ABCC9: variants seen among roughly 807,000 people sequenced by gnomAD.
ABCC9 encodes ATP-binding cassette sub-family C member 9.
In ABCC9, 95 loss-of-function variants were observed where a neutral mutation model predicts 188.3. The ratio of observed to expected loss-of-function variants is 0.50; its 90% CI spans 0.43 to 0.60. ABCC9 has a LOEUF of 0.60. ABCC9 is among the 20% of genes least tolerant of loss of function. The pLI is 0.00. For missense variants in ABCC9, 1,102 were observed against 1,876.3 expected (o/e 0.59, Z 7.62); for synonymous variants, 659 against 652.7 (o/e 1.01, Z -0.15).
chr12:21,871,825 G>A (rs781185870), intron 18 of ABCC9, among the ~76,000 whole-genome samples: 4 of 152,090 alleles, frequency 2.6e-5, no homozygotes, highest in South Asian at 2.1e-4. Context: ...AAATGTCCCC[G>A]GGGACAAAAA....
At position 21,938,275 on chromosome 12, in the gene ABCC9, T is replaced by G. The variant is rs1202515874; in HGVS notation, c.-20-1581A>C. 2.6e-5 allele frequency among the ~76,000 whole-genome samples: 4 copies of G among 152,182 alleles called. No individual in the cohort carries two copies. The East Asian group carries it at 7.7e-4, about 29-fold the overall frequency. ...ATAAGCTCTTTTTATAATAAATAGT[T>G]GATATGCTCTCTAGTTGAGTCTTTC... On this transcript the variant is annotated intron_variant, in intron 2 of 39. Transcript: ENST00000261200.
At chr12:21,808,702 A>G (rs1942023437) in intron 37 of ABCC9, among the ~76,000 whole-genome samples, 1 of 147,098 alleles carries the variant, frequency 6.8e-6, no homozygotes, top group Non-Finnish European at 1.5e-5. Flanking sequence ...CAGGGATTAG[A>G]GGGTGTAGTA....
chr12:21,863,203 C>T (rs989198779), intron 19 of ABCC9, 149 bp from the exon 20 acceptor site: 7 of 611,380 alleles, frequency 1.1e-5, no homozygotes, highest in African/African-American at 1.1e-4. Flanking sequence ...ATTTAAAGAC[C>T]ACCAACCTTA....
At chr12:21,845,413 A>G (rs771938049) in intron 26 of ABCC9, among the ~76,000 whole-genome samples, 190 bp downstream of exon 26, 1 of 152,170 alleles carries the variant, frequency 6.6e-6, no homozygotes, top group Non-Finnish European at 1.5e-5. Context: ...TAAAAGTATT[A>G]ATAATAGCTT....
At position 21,842,460 on chromosome 12, in the gene ABCC9, T is replaced by G. The variant is rs1944441651; in HGVS notation, c.3327A>C (p.Pro1109=). 5 of 1,613,892 alleles carry G rather than the reference T, an allele frequency of 3.1e-6. No homozygotes were observed. In the South Asian group the frequency reaches 5.5e-5, roughly 18 times the overall value. ...TTGAGCGAGTTAGAGATTCCAAGGTTGGAGGGATGTGCTATTAGGGTAGTT... is the reference window on the plus strand; with the variant it reads ...TTGAGCGAGTTAGAGATTCCAAGGTGGGAGGGATGTGCTATTAGGGTAGTT... ...DTNIIDQHIP[P]TLESLTRSTL... The change falls in exon 29 of 40, where the codon CCA becomes CCC. Residue 1109 remains proline, a synonymous_variant. Transcript: ENST00000261200.
intron 22 of ABCC9, among the ~76,000 whole-genome samples, chr12:21,854,087 A>G (rs1006407538): frequency 6.6e-6 from 1 of 152,248 alleles, no homozygotes; most frequent in Admixed American, 6.5e-5. Flanking sequence ...TCTAAAAATA[A>G]CAATTCTGCA....
At chr12:21,905,762 A>C (rs955543068) in intron 12 of ABCC9, among the ~76,000 whole-genome samples, 1 of 152,094 alleles carries the variant, frequency 6.6e-6, no homozygotes, top group African/African-American at 2.4e-5. Flanking sequence ...AAAAACCAAC[A>C]ATTTATCCTA....
At chr12:21,921,942 A>T (rs891504080) in intron 5 of ABCC9, among the ~76,000 whole-genome samples, 4 of 151,864 alleles carry the variant, frequency 2.6e-5, no homozygotes, top group Non-Finnish European at 4.4e-5. Flanking sequence ...GTCTGTTTTT[A>T]TGCCAGTACC....
chr12:21,894,670 C>A (rs1189042191), intron 13 of ABCC9, among the ~76,000 whole-genome samples: 3 of 151,842 alleles, frequency 2.0e-5, no homozygotes, highest in African/African-American at 4.8e-5. Context: ...AGTGTAGTAG[C>A]GTGATCATGG....
Position 21,910,268 on chromosome 12 carries a change from TA to T in ABCC9, c.1208del (p.Leu403TyrfsTer6). 1 of 1,607,664 alleles carries T rather than the reference TA, an allele frequency of 6.2e-7. No homozygotes were observed. Among genetic ancestry groups the T allele is most frequent in the African/African-American group, 1.4e-5 (1 of 73,528 alleles). On this transcript the variant is annotated frameshift_variant, in exon 10 of 40. Coordinates refer to ENST00000261200, the MANE Select transcript of ABCC9 (RefSeq NM_020297.4). LOFTEE classifies it high-confidence loss of function. ...NKILRLSTSN[L>X]SMGEMTLGQI... ...GCCCCAGAGTCATCTCCCCCATGGA[TA>T]AGTTAGACGTAGAGAGCCTAAGGAT...
chr12:21,916,385 T>C (rs1453081478), intron 6 of ABCC9, among the ~76,000 whole-genome samples: 1 of 152,188 alleles, frequency 6.6e-6, no homozygotes, highest in African/African-American at 2.4e-5. Context: ...AAATGAATAC[T>C]GGAAAATCTA....
chr12:21,856,361 A>G (rs1592081179), intron 22 of ABCC9, among the ~76,000 whole-genome samples: 1 of 152,226 alleles, frequency 6.6e-6, no homozygotes, highest in Non-Finnish European at 1.5e-5. Flanking sequence ...ATTCTAATAT[A>G]TATATGTACA....
At chr12:21,844,412 T>G (rs1182871238) in intron 28 of ABCC9, 71 bp downstream of exon 28, 2 of 1,276,816 alleles carry the variant, frequency 1.6e-6, no homozygotes. Flanking sequence ...GAATTATACT[T>G]TATCTTAAAA....
intron 31 of ABCC9, 37 bp from the exon 32 acceptor site, chr12:21,818,288 CCCAAGTTCTTAAA>C (rs1942793356): frequency 6.4e-7 from 1 of 1,559,020 alleles, no homozygotes; most frequent in Admixed American, 1.7e-5. Context: ...AAAGGTTACT[CCCAAGTTCTTAAA>C]CCAAGTTCAA....
chr12:21,829,256 CA>C (rs375560408), intron 30 of ABCC9, among the ~76,000 whole-genome samples, 196 bp from the exon 31 acceptor site: 11 of 119,042 alleles, frequency 9.2e-5, no homozygotes, highest in African/African-American at 3.5e-4. Flanking sequence ...GGCTGGAGTG[CA>C]GTGGCGCGAT....
rs1203787478 is a variant in ABCC9 at position 21,852,235 on chromosome 12, G to A, written c.2644-13C>T. ...TCATGGCTATGATCTAAGGAAAGCG[G>A]ATATTCCCAGAAATGTGACGAAAAG... On this transcript the variant is annotated splice_polypyrimidine_tract_variant and intron_variant, in intron 23 of 39. Coordinates refer to ENST00000261200, the MANE Select transcript of ABCC9 (RefSeq NM_020297.4). 6.2e-7 allele frequency: 1 copy of A among 1,613,606 alleles called. No homozygotes were observed. The highest frequency in any genetic ancestry group is 1.3e-5 in the African/African-American group (1 of 74,886).
Position 21,910,324 on chromosome 12 carries a change from A to C in ABCC9, c.1165-12T>G. On this transcript the variant is annotated splice_polypyrimidine_tract_variant and intron_variant, in intron 9 of 39. Transcript: ENST00000261200. Reference sequence around the variant, plus strand: ...TTATAAATCATGGCCTACCAAAAAAAAAAAAAAGAGTACATAAAGCTCTAA... The same window carrying C: ...TTATAAATCATGGCCTACCAAAAAACAAAAAAAGAGTACATAAAGCTCTAA... 3.2e-6 allele frequency: 5 copies of C among 1,587,214 alleles called. No individual in the cohort carries two copies. Among genetic ancestry groups the C allele is most frequent in the Non-Finnish European group, 4.3e-6 (5 of 1,168,694 alleles).
At chr12:21,935,410 A>G (rs1949447609) in intron 3 of ABCC9, among the ~76,000 whole-genome samples, 1 of 152,138 alleles carries the variant, frequency 6.6e-6, no homozygotes, top group Non-Finnish European at 1.5e-5. Context: ...TGTATATACC[A>G]TATGATGAGT....
rs61001398 is a variant in ABCC9, at chr12:21,887,889, G to A, written c.1848C>T (p.Asp616=). The part of the protein sequence containing the change: ...NEFLLSDEIG[D]DSWRTGESSL... ...AACTTTCACCAGTTCGCCAACTGTCGTCACCAATCTCATCACTCAAGAGAA... is the reference window on the plus strand; with the variant it reads ...AACTTTCACCAGTTCGCCAACTGTCATCACCAATCTCATCACTCAAGAGAA... The change falls in exon 15 of 40, where the codon GAC becomes GAT. Residue 616 remains aspartate, a synonymous_variant. Coordinates refer to ENST00000261200, the MANE Select transcript of ABCC9 (RefSeq NM_020297.4). 2.7e-3 allele frequency: 4,308 copies of A among 1,613,320 alleles called. 100 individuals are homozygous for A. The African/African-American group carries it at 0.049, about 18-fold the overall frequency.
Sources: allele counts gnomAD v4.1 joint callset (sites outside exome capture counted in the v4.1 genomes callset), GRCh38; gene constraint gnomAD v4.1.1; transcripts MANE v1.5; gene names NCBI Gene and HGNC (gene_info 2026-07-23, HGNC 2026-07-21).